The following DROSHA variants were observed in gnomAD, a reference collection of about 807,000 sequenced individuals.
DROSHA encodes ribonuclease 3.
A neutral mutation model predicts 181.9 loss-of-function variants in DROSHA; 56 were observed. The observed-to-expected ratio is 0.31, with a 90% CI of 0.25 to 0.38. The LOEUF (loss-of-function observed/expected upper bound fraction) is 0.38, where lower values mean the gene tolerates loss of function less well. DROSHA is among the 10% of genes least tolerant of loss of function. DROSHA has a pLI of 1.00. For missense variants in DROSHA, 1,218 were observed against 1,743.5 expected (o/e 0.70, Z 5.37); for synonymous variants, 524 against 591.2 (o/e 0.89, Z 1.65).
chr5:31,508,839 C>CTTTTTTTTTTTTTTTT (rs1561273199), intron 9 of DROSHA, 64 bp from the exon 10 acceptor site: 1 of 625,650 alleles, frequency 1.6e-6, no homozygotes. Context: ...TTTTTTTTTC[C>CTTTTTTTTTTTTTTTT]CTGAGTTGGA....
At chr5:31,527,917 C>T (rs1740790488) in intron 4 of DROSHA, among the ~76,000 whole-genome samples, 1 of 152,184 alleles carries the variant, frequency 6.6e-6, no homozygotes, top group Non-Finnish European at 1.5e-5. Context: ...TGATCAGTGC[C>T]CACCTTGTCT....
chr5:31,458,342 T>G (rs1747913831), intron 20 of DROSHA, among the ~76,000 whole-genome samples: 1 of 152,216 alleles, frequency 6.6e-6, no homozygotes, highest in Non-Finnish European at 1.5e-5. Flanking sequence ...AAATTGCTAA[T>G]CTGGGACTAC....
At chr5:31,441,240 T>C (rs1281420564) in intron 23 of DROSHA, among the ~76,000 whole-genome samples, 1 of 152,062 alleles carries the variant, frequency 6.6e-6, no homozygotes, top group Non-Finnish European at 1.5e-5. Flanking sequence ...TAAGACCTTG[T>C]CTGTACAAAA....
intron 23 of DROSHA, among the ~76,000 whole-genome samples, chr5:31,446,676 T>TAAAAAA (rs35657251): frequency 2.3e-5 from 3 of 128,020 alleles, no homozygotes; most frequent in African/African-American, 8.8e-5. Context: ...TGTCTCTATT[T>TAAAAAA]AAAAAAAAAA....
chr5:31,465,444 G>T (rs1748893286), intron 19 of DROSHA, among the ~76,000 whole-genome samples: 1 of 152,148 alleles, frequency 6.6e-6, no homozygotes, highest in Non-Finnish European at 1.5e-5. Flanking sequence ...ATCTGAGTAA[G>T]GCCCAATGTT....
At chr5:31,458,191 A>G (rs980493592) in intron 20 of DROSHA, among the ~76,000 whole-genome samples, 1 of 152,152 alleles carries the variant, frequency 6.6e-6, no homozygotes, top group Non-Finnish European at 1.5e-5. Flanking sequence ...TGAAAATTCA[A>G]CTTATGATCT....
chr5:31,494,755 G>A (rs1015105643), intron 12 of DROSHA, among the ~76,000 whole-genome samples: 4 of 151,810 alleles, frequency 2.6e-5, no homozygotes, highest in Non-Finnish European at 4.4e-5. Context: ...GTGCGATCTC[G>A]GCTCTGCCTC....
At position 31,468,009 on chromosome 5, in the gene DROSHA, C is replaced by T; in HGVS notation, c.2296G>A (p.Val766Met). 1 of 1,611,964 alleles carries T rather than the reference C, an allele frequency of 6.2e-7. No individual in the cohort carries two copies. Among genetic ancestry groups the T allele is most frequent in the Non-Finnish European group, 8.5e-7 (1 of 1,179,068 alleles). The change falls in exon 18 of 36, where the codon GTG becomes ATG. Residue 766 changes from valine (V) to methionine (M), a missense_variant. By Grantham distance (21) the Val-to-Met change is conservative. Coordinates refer to ENST00000344624, the MANE Select transcript of DROSHA (RefSeq NM_001382508.1). Reference sequence around the variant, plus strand: ...TGGACGATAATCGGAAAAGTAATCACATCGGGGTTGAACTGTTCACGATCC... The same window carrying T: ...TGGACGATAATCGGAAAAGTAATCATATCGGGGTTGAACTGTTCACGATCC... ...QLDREQFNPD[V>M]ITFPIIVHFG... is the part of the protein sequence containing the mutation.
intron 16 of DROSHA, among the ~76,000 whole-genome samples, chr5:31,474,837 G>A (rs975565511): frequency 1.3e-5 from 2 of 152,164 alleles, no homozygotes; most frequent in Non-Finnish European, 2.9e-5. Flanking sequence ...AAGATGGCTG[G>A]CTGTGAAACA....
chr5:31,504,228 A>G (rs1359281168), intron 11 of DROSHA, among the ~76,000 whole-genome samples: 1 of 152,096 alleles, frequency 6.6e-6, no homozygotes, highest in African/African-American at 2.4e-5. Context: ...GCGTCGCTCC[A>G]GGGCCATTCA....
In DROSHA at chr5:31,411,747, C is replaced by T. The variant is rs1741338232; in HGVS notation, c.3526-860G>A. 6.6e-6 allele frequency among the ~76,000 whole-genome samples: 1 copy of T among 152,106 alleles called. No homozygotes were observed. Among genetic ancestry groups the T allele is most frequent in the African/African-American group, 2.4e-5 (1 of 41,432 alleles). On this transcript the variant is annotated intron_variant, in intron 30 of 35. Transcript: ENST00000344624. This position sits in a 1 kb window ranked among gnomAD's most constrained non-coding sequence, Gnocchi z 4.2. ...ACTCAAGCTATCCTCCCACCTCAGC[C>T]TCCCGAGTAGCTGTGACTATAGGCA...
At chr5:31,522,184 T>C (rs576562082) in intron 5 of DROSHA, among the ~76,000 whole-genome samples, 1 of 152,346 alleles carries the variant, frequency 6.6e-6, no homozygotes, top group Admixed American at 6.5e-5. Context: ...GAAGACTCCT[T>C]TGAATAATGT....
intron 6 of DROSHA, among the ~76,000 whole-genome samples, chr5:31,519,969 G>A (rs148134387): frequency 5.1e-4 from 77 of 152,202 alleles, no homozygotes; most frequent in African/African-American, 1.4e-3. Flanking sequence ...TTGCTGTGTC[G>A]TTTTTGTGTC....
At chr5:31,492,733 T>C (rs957388149) in intron 13 of DROSHA, among the ~76,000 whole-genome samples, 6 of 152,364 alleles carry the variant, frequency 3.9e-5, no homozygotes, top group African/African-American at 1.4e-4. Flanking sequence ...AAAAATATCA[T>C]GAATCCATAT....
At chr5:31,422,040 C>T (rs1026443545) in intron 29 of DROSHA, among the ~76,000 whole-genome samples, 8 of 141,796 alleles carry the variant, frequency 5.6e-5, no homozygotes, top group Non-Finnish European at 1.1e-4. Context: ...TGCAGTGAGC[C>T]GTAATCATGC....
Position 31,413,432 on chromosome 5 carries a change from T to C in DROSHA, c.3526-2545A>G, listed in dbSNP as rs953693206. Among the ~76,000 whole-genome samples the C allele has an allele frequency of 3.3e-5, 5 of 152,238 alleles. No homozygotes were observed. The South Asian group carries it at 1.0e-3, about 31-fold the overall frequency. ...AAAGTCTGAATGGCAGTTCTCTAAA[T>C]GACAACTTTCATCCTTGTCCTTTGC... On this transcript the variant is annotated intron_variant, in intron 30 of 35. Coordinates refer to ENST00000344624, the MANE Select transcript of DROSHA (RefSeq NM_001382508.1).
At chr5:31,482,814 C>CTT (rs200907484) in intron 16 of DROSHA, among the ~76,000 whole-genome samples, 3 of 144,558 alleles carry the variant, frequency 2.1e-5, no homozygotes, top group Non-Finnish European at 4.6e-5. Flanking sequence ...ATTAAAAATA[C>CTT]TTTTTTTTTT....
At chr5:31,403,828 C>T (rs1403154749) in intron 35 of DROSHA, among the ~76,000 whole-genome samples, 1 of 152,202 alleles carries the variant, frequency 6.6e-6, no homozygotes, top group Non-Finnish European at 1.5e-5. Context: ...TGTTTCCTAA[C>T]CCCTGGGATA....
intron 35 of DROSHA, among the ~76,000 whole-genome samples, chr5:31,401,819 G>C (rs983117591): frequency 6.6e-6 from 1 of 152,090 alleles, no homozygotes; most frequent in Non-Finnish European, 1.5e-5. Flanking sequence ...AGCAGGCACC[G>C]AACATACAGA....
Sources: allele counts gnomAD v4.1 joint callset (sites outside exome capture counted in the v4.1 genomes callset), GRCh38; gene constraint gnomAD v4.1.1; non-coding constraint Gnocchi (gnomAD v3.1); transcripts MANE v1.5; gene names NCBI Gene and HGNC (gene_info 2026-07-23, HGNC 2026-07-21).